Variants in WWP2 observed in about 807,000 individuals in gnomAD.
The protein encoded by WWP2 is WW domain containing E3 ubiquitin protein ligase 2.
In WWP2, 57 loss-of-function variants were observed where a neutral mutation model predicts 121.0. That is an observed-to-expected ratio of 0.47 (90% CI 0.38 to 0.59). The LOEUF is 0.59. WWP2 is among the 20% of genes least tolerant of loss of function. The probability of loss-of-function intolerance (pLI) is 0.00; values close to 1 mark genes in which losing one functional copy is unlikely to be tolerated. For synonymous variants in WWP2, 449 were observed against 441.3 expected (o/e 1.02, Z -0.22); for missense variants, 962 against 1,158.9 (o/e 0.83, Z 2.47).
intron 7 of WWP2, among the ~76,000 whole-genome samples, chr16:69,875,821 C>T (rs910621608): frequency 3.9e-5 from 6 of 152,200 alleles, no homozygotes; most frequent in African/African-American, 1.2e-4. Flanking sequence ...TCTTGAACCC[C>T]TCAGAGCCAT....
chr16:69,926,424 C>T (rs1036254719), intron 11 of WWP2, among the ~76,000 whole-genome samples: 9 of 152,008 alleles, frequency 5.9e-5, no homozygotes, highest in South Asian at 2.1e-4. Context: ...GGAGGGGGTG[C>T]GCTCGACAAC....
chr16:69,787,146 C>A (rs1015752170), intron 2 of WWP2, 66 bp downstream of exon 2: 8 of 1,474,104 alleles, frequency 5.4e-6, no homozygotes, highest in Admixed American at 4.3e-5. Context: ...TCTAACCACA[C>A]CTTGGTCTGG....
In WWP2 at chr16:69,937,777, A is replaced by C; in HGVS notation, c.2343+125A>C. ...CCTGTCCTTGCCTCCCACACCTTGC[A>C]AAAGGAGACGATAGACCAGCCTTGG... On this transcript the variant is annotated intron_variant, in intron 21 of 23. Coordinates refer to ENST00000359154, the MANE Select transcript of WWP2 (RefSeq NM_001270454.2). This position sits in a 1 kb window ranked among gnomAD's most constrained non-coding sequence, Gnocchi z 6.6. 1.2e-6 allele frequency: 1 copy of C among 843,406 alleles called. No homozygotes were observed. The highest frequency in any genetic ancestry group is 1.9e-6 in the Non-Finnish European group (1 of 537,456). 52.2% of individuals were successfully genotyped at this position (843,406 alleles called of 1,614,324 possible). A position where few individuals can be genotyped will look rare whatever the true frequency, so the allele number is the denominator to read the frequency against.
At chr16:69,915,479 C>A (rs2058465407) in intron 9 of WWP2, among the ~76,000 whole-genome samples, 1 of 152,162 alleles carries the variant, frequency 6.6e-6, no homozygotes, top group Non-Finnish European at 1.5e-5. Flanking sequence ...ACTCAGGAGG[C>A]TGAGGCTGGA....
intron 4 of WWP2, chr16:69,838,636 C>T (rs2056920364): frequency 2.6e-6 from 2 of 778,184 alleles, no homozygotes; most frequent in Admixed American, 1.3e-4. Context: ...GTGGCCACTC[C>T]CAGGGATGGC....
intron 8 of WWP2, among the ~76,000 whole-genome samples, 166 bp from the exon 9 acceptor site, chr16:69,908,595 C>A (rs1315500981): frequency 6.6e-6 from 1 of 152,244 alleles, no homozygotes; most frequent in African/African-American, 2.4e-5. Flanking sequence ...TCCTGGCTGG[C>A]ACCCTCAGCC....
chr16:69,902,456 G>T (rs900946720), intron 8 of WWP2, among the ~76,000 whole-genome samples: 1 of 152,166 alleles, frequency 6.6e-6, no homozygotes, highest in Non-Finnish European at 1.5e-5. Context: ...CAAAGACCTC[G>T]TGTAGTCCAT....
chr16:69,769,449 T>A (rs948130671), intron 1 of WWP2, among the ~76,000 whole-genome samples: 10 of 152,126 alleles, frequency 6.6e-5, no homozygotes, highest in East Asian at 3.9e-4. Context: ...TTGAAAAAAA[T>A]TTTTTAAAAC....
At chr16:69,842,931 A>G (rs1196056982) in intron 6 of WWP2, among the ~76,000 whole-genome samples, 1 of 151,962 alleles carries the variant, frequency 6.6e-6, no homozygotes, top group East Asian at 1.9e-4. Flanking sequence ...GGCCTCCCAA[A>G]CTGTTGGGAT....
chr16:69,782,490 A>G (rs1270182989), intron 1 of WWP2, among the ~76,000 whole-genome samples: 1 of 152,182 alleles, frequency 6.6e-6, no homozygotes, highest in Non-Finnish European at 1.5e-5. Context: ...AAGGGTGATC[A>G]GTTGTGTCAG....
At chr16:69,917,622 G>T in intron 9 of WWP2, 87 bp from the exon 10 acceptor site, 1 of 1,499,766 alleles carries the variant, frequency 6.7e-7, no homozygotes, top group Non-Finnish European at 9.1e-7. Context: ...GGCCTGCCCG[G>T]CTGTGCTAGG....
chr16:69,910,246 T>TA, intron 9 of WWP2: 2 of 391,104 alleles, frequency 5.1e-6, no homozygotes, highest in Non-Finnish European at 7.0e-6. Context: ...AAAACTCTAA[T>TA]ATCATTAACA....
chr16:69,872,693 C>T (rs1022796633), intron 7 of WWP2, among the ~76,000 whole-genome samples: 1 of 152,202 alleles, frequency 6.6e-6, no homozygotes. Flanking sequence ...GGTTGAGATG[C>T]TGACTGGGGC....
chr16:69,907,597 T>C (rs2151959939), intron 8 of WWP2, among the ~76,000 whole-genome samples: 1 of 152,356 alleles, frequency 6.6e-6, no homozygotes, highest in East Asian at 1.9e-4. Flanking sequence ...TAGGTTACTA[T>C]ATTCTGGGTA....
At chr16:69,763,876 A>G (rs1567649965) in intron 1 of WWP2, among the ~76,000 whole-genome samples, 1 of 152,102 alleles carries the variant, frequency 6.6e-6, no homozygotes, top group Non-Finnish European at 1.5e-5. Context: ...CAAGTCTTCT[A>G]CTCTTTTTCT....
At chr16:69,833,430 G>C (rs548720992) in intron 4 of WWP2, among the ~76,000 whole-genome samples, 3 of 152,298 alleles carry the variant, frequency 2.0e-5, no homozygotes, top group African/African-American at 7.2e-5. Flanking sequence ...GTGGTGATAT[G>C]TGTTTCCATC....
chr16:69,829,866 A>G (rs1427567773), intron 4 of WWP2, among the ~76,000 whole-genome samples: 1 of 152,060 alleles, frequency 6.6e-6, no homozygotes, highest in Non-Finnish European at 1.5e-5. Context: ...CACCCAGCAA[A>G]TGTTACTTGA....
chr16:69,938,817 C>T (rs2058836900), intron 21 of WWP2, among the ~76,000 whole-genome samples: 1 of 152,172 alleles, frequency 6.6e-6, no homozygotes. Context: ...CAGAGATGTC[C>T]CATGGACTGG....
intron 7 of WWP2, among the ~76,000 whole-genome samples, chr16:69,874,140 T>G (rs1158436981): frequency 1.3e-5 from 2 of 152,196 alleles, no homozygotes; most frequent in Non-Finnish European, 2.9e-5. Flanking sequence ...ACTCCAGTGC[T>G]GAGGGCTTGA....
Sources: gnomAD v4.1 joint callset for allele counts (sites outside exome capture counted in the v4.1 genomes callset) on GRCh38, gnomAD v4.1.1 for gene constraint, Gnocchi (gnomAD v3.1) non-coding constraint, MANE v1.5 for transcripts, NCBI Gene and HGNC (gene_info 2026-07-23, HGNC 2026-07-21) for gene names.